ERO1B: variants seen among roughly 807,000 people sequenced by gnomAD.
ERO1B encodes endoplasmic reticulum oxidoreductase 1 beta, also known as ERO1-like protein beta.
Under a neutral mutation model 75.3 loss-of-function variants are expected in ERO1B, and 49 were observed. The observed-to-expected ratio is 0.65, with a 90% CI of 0.52 to 0.83. ERO1B has a LOEUF of 0.83. ERO1B is among the 40% of genes least tolerant of loss of function. ERO1B has a pLI of 0.00. For missense variants in ERO1B, 512 were observed against 560.1 expected (o/e 0.91, Z 0.87); for synonymous variants, 191 against 192.9 (o/e 0.99, Z 0.08).
chr1:236,268,004 T>C (rs535064145), intron 2 of ERO1B: 2 of 152,270 alleles, frequency 1.3e-5, no homozygotes, highest in East Asian at 1.9e-4. Flanking sequence ...CTTATTCATA[T>C]GTAAAATGCC....
intron 9 of ERO1B, among the ~76,000 whole-genome samples, chr1:236,231,508 A>T (rs1406579953): frequency 2.0e-5 from 3 of 151,816 alleles, no homozygotes; most frequent in African/African-American, 7.3e-5. Flanking sequence ...TTGAAAAAAA[A>T]AAAAAAAAAG....
At position 236,279,527 on chromosome 1, in the gene ERO1B, A is replaced by G. The variant is rs1665780166; in HGVS notation, c.102+2155T>C. Among the ~76,000 whole-genome samples, 2 of 141,376 alleles carry G rather than the reference A, an allele frequency of 1.4e-5. 1 individual carries two copies. The highest frequency in any genetic ancestry group is 4.5e-4 in the South Asian group (2 of 4,420). The allele number at this position is 141,376 out of a possible 152,430, so 92.7% of individuals were successfully genotyped here. ...CTCAAAAAAAAAAAAAAAACAGCAC[A>G]GTAGAAAGTACTGCTGGCGGCCTGG... is the stretch of plus-strand genomic sequence containing the variant. On this transcript the variant is annotated intron_variant, in intron 1 of 15. Transcript: ENST00000354619.
intron 2 of ERO1B, among the ~76,000 whole-genome samples, chr1:236,258,440 T>A (rs745606622): frequency 6.6e-6 from 1 of 152,032 alleles, no homozygotes; most frequent in Non-Finnish European, 1.5e-5. Context: ...AAATACTATA[T>A]CCAGTGATCC....
At chr1:236,274,105 T>A (rs1665660577) in intron 1 of ERO1B, among the ~76,000 whole-genome samples, 1 of 150,216 alleles carries the variant, frequency 6.7e-6, no homozygotes, top group Non-Finnish European at 1.5e-5. Flanking sequence ...TGCCTCAGCC[T>A]CCCGAGTAGC....
intron 1 of ERO1B, among the ~76,000 whole-genome samples, chr1:236,277,831 G>A (rs1665743374): frequency 6.6e-6 from 1 of 152,174 alleles, no homozygotes; most frequent in Non-Finnish European, 1.5e-5. Flanking sequence ...TATCCATCGA[G>A]TTTTAAATTT....
chr1:236,230,100 T>C (rs568600123), intron 10 of ERO1B, 124 bp downstream of exon 10: 10 of 626,296 alleles, frequency 1.6e-5, no homozygotes, highest in South Asian at 5.8e-5. Context: ...CTAAAACACA[T>C]TTTTTTTTTC....
At chr1:236,281,227 C>T (rs1374696514) in intron 1 of ERO1B, among the ~76,000 whole-genome samples, 1 of 152,188 alleles carries the variant, frequency 6.6e-6, no homozygotes, top group Non-Finnish European at 1.5e-5. Context: ...ATCCCCTGCG[C>T]CTGGCGGGGC....
At chr1:236,219,534 T>C (rs1664082550) in intron 15 of ERO1B, among the ~76,000 whole-genome samples, 1 of 152,214 alleles carries the variant, frequency 6.6e-6, no homozygotes, top group African/African-American at 2.4e-5. Flanking sequence ...ATTTACAATA[T>C]TTTTCATTTC....
At chr1:236,251,174 C>T (rs1572053983) in intron 4 of ERO1B, among the ~76,000 whole-genome samples, 1 of 150,404 alleles carries the variant, frequency 6.6e-6, no homozygotes, top group East Asian at 2.0e-4. Context: ...AGTTTGTAAC[C>T]TAAAGAAATA....
Position 236,226,693 on chromosome 1 carries a change from A to G in ERO1B, c.759T>C (p.Leu253=), listed in dbSNP as rs755129349. ...ATAGATGTAAATTGATGCTAGCATG[A>G]AGTCCCGATATAAGCTTATAGAAGA... ...KRVFYKLISG[L]HASINLHLCA... Residue 253 remains leucine, a synonymous_variant, in exon 11 of 16, where the codon CTT becomes CTC. Transcript: ENST00000354619. 7.4e-6 allele frequency: 12 copies of G among 1,613,020 alleles called. No homozygotes were observed. The South Asian group carries it at 1.3e-4, about 18-fold the overall frequency.
At chr1:236,267,950 G>A (rs1665487096) in intron 2 of ERO1B, 1 of 151,158 alleles carries the variant, frequency 6.6e-6, no homozygotes, top group Non-Finnish European at 1.5e-5. Context: ...CAGGAACGGT[G>A]CACCCCTCCG....
At position 236,226,639 on chromosome 1, in the gene ERO1B, A is replaced by G. The variant is rs1348364025; in HGVS notation, c.805+8T>C. On this transcript the variant is annotated splice_region_variant and intron_variant, in intron 11 of 15. Coordinates refer to ENST00000354619, the MANE Select transcript of ERO1B (RefSeq NM_019891.4). ...GAAGGCAAAATCTCGACTTAAAAATATGATTACCTTCCAAAAGATAATTTG... is the reference window on the plus strand; with the variant it reads ...GAAGGCAAAATCTCGACTTAAAAATGTGATTACCTTCCAAAAGATAATTTG... 14 of 1,607,078 alleles carry G rather than the reference A, an allele frequency of 8.7e-6. No homozygotes were observed. The highest frequency in any genetic ancestry group is 1.3e-5 in the African/African-American group (1 of 74,498).
At chr1:236,254,219 A>C (rs1244914530) in intron 2 of ERO1B, among the ~76,000 whole-genome samples, 1 of 152,216 alleles carries the variant, frequency 6.6e-6, no homozygotes, top group Non-Finnish European at 1.5e-5. Context: ...TTACAGGAAG[A>C]CAGTAATTCA....
chr1:236,244,429 T>A (rs182760844), intron 5 of ERO1B, among the ~76,000 whole-genome samples: 1 of 152,262 alleles, frequency 6.6e-6, no homozygotes, highest in African/African-American at 2.4e-5. Context: ...TGGGAGTATA[T>A]AATAAAAATT....
chr1:236,241,117 C>G (rs1171113799), intron 6 of ERO1B, among the ~76,000 whole-genome samples: 1 of 152,154 alleles, frequency 6.6e-6, no homozygotes, highest in South Asian at 2.1e-4. Context: ...TTATCAACAG[C>G]AAAACAGCAG....
intron 2 of ERO1B, among the ~76,000 whole-genome samples, chr1:236,269,583 T>C (rs867319861): frequency 1.3e-5 from 2 of 152,200 alleles, no homozygotes; most frequent in African/African-American, 4.8e-5. Context: ...GGCAGAACTA[T>C]GTTATAAGAG....
intron 1 of ERO1B, among the ~76,000 whole-genome samples, chr1:236,277,240 C>T (rs1168288241): frequency 6.6e-6 from 1 of 152,102 alleles, no homozygotes; most frequent in Non-Finnish European, 1.5e-5. Context: ...CCCATCTCTA[C>T]TAAAAATACA....
chr1:236,227,630 A>C (rs1272126927), intron 10 of ERO1B, among the ~76,000 whole-genome samples: 1 of 152,202 alleles, frequency 6.6e-6, no homozygotes, highest in Non-Finnish European at 1.5e-5. Context: ...TTCCCCATGC[A>C]GGAAAATGGG....
In ERO1B at chr1:236,227,195, A is replaced by G. The variant is rs377531863; in HGVS notation, c.713-456T>C. On this transcript the variant is annotated intron_variant, in intron 10 of 15. Coordinates refer to ENST00000354619, the MANE Select transcript of ERO1B (RefSeq NM_019891.4). ...TGCCCTGAAATTGTCTAATTTTTTA[A>G]CCATATGTTCTACTTGTAAGGAGCT... Among the ~76,000 whole-genome samples, 14 of 152,198 alleles carry G rather than the reference A, an allele frequency of 9.2e-5. No individual in the cohort carries two copies. In the East Asian group the frequency reaches 1.9e-3, roughly 21 times the overall value.
Sources: gnomAD v4.1 joint callset for allele counts (sites outside exome capture counted in the v4.1 genomes callset) on GRCh38, gnomAD v4.1.1 for gene constraint, MANE v1.5 for transcripts, NCBI Gene and HGNC (gene_info 2026-07-23, HGNC 2026-07-21) for gene names.